Variants in GLRA2 observed in about 807,000 individuals in gnomAD.
GLRA2 encodes the protein glycine receptor alpha 2.
GLRA2 carries 11 observed loss-of-function variants against 31.6 expected under a neutral mutation model. That is an observed-to-expected ratio of 0.35 (90% CI 0.22 to 0.58). The LOEUF (loss-of-function observed/expected upper bound fraction) is 0.58. GLRA2 is among the 20% of genes least tolerant of loss of function. The pLI is 0.84. For missense variants in GLRA2, 212 were observed against 351.8 expected (o/e 0.60, Z 3.18); for synonymous variants, 132 against 134.0 (o/e 0.99, Z 0.10).
upstream of GLRA2, among the ~76,000 whole-genome samples, chrX:14,524,665 A>G (rs772427889): frequency 1.3e-3 from 146 of 111,341 alleles, no homozygotes; most frequent in African/African-American, 4.7e-3. Flanking sequence ...GGATATTGAT[A>G]TATTGGATAT....
At chrX:14,541,033 A>G (rs1209413157) in intron 2 of GLRA2, among the ~76,000 whole-genome samples, 2 of 111,276 alleles carry the variant, frequency 1.8e-5, no homozygotes, top group Admixed American at 9.5e-5. Flanking sequence ...AGCTTACGAA[A>G]ATAATTAATA....
chrX:14,628,116 TA>T (rs2090607884), intron 7 of GLRA2, among the ~76,000 whole-genome samples: 1 of 111,517 alleles, frequency 9.0e-6, no homozygotes, highest in Non-Finnish European at 1.9e-5. Context: ...TGGGGTATAC[TA>T]ATGTCCAGGC....
chrX:14,474,348 C>T, the GLRA2 span, among the ~76,000 whole-genome samples: 2 of 111,608 alleles, frequency 1.8e-5, no homozygotes, highest in African/African-American at 6.5e-5. Flanking sequence ...TTTACGCCTC[C>T]AGCTGCTTTG....
chrX:14,503,094 A>G, the GLRA2 span, among the ~76,000 whole-genome samples: 2 of 111,169 alleles, frequency 1.8e-5, no homozygotes, highest in Non-Finnish European at 3.8e-5. Context: ...GGGGGTTGCA[A>G]ATAACTTTTG....
chrX:14,489,334 C>T, the GLRA2 span, among the ~76,000 whole-genome samples: 7 of 111,289 alleles, frequency 6.3e-5, no homozygotes, highest in Admixed American at 9.6e-5. Context: ...TGATCTAAGT[C>T]ATGCAGAATT....
intron 7 of GLRA2, among the ~76,000 whole-genome samples, chrX:14,610,238 A>G (rs187302656): frequency 8.9e-6 from 1 of 112,126 alleles, no homozygotes; most frequent in East Asian, 2.8e-4. Context: ...AATTTGACAT[A>G]ATGAGAAATG....
At chrX:14,535,979 C>T (rs1169758964) in intron 2 of GLRA2, among the ~76,000 whole-genome samples, 1 of 111,943 alleles carries the variant, frequency 8.9e-6, no homozygotes, top group Non-Finnish European at 1.9e-5. Flanking sequence ...TAGTTTTCAT[C>T]CCAATGTGAA....
the GLRA2 span, among the ~76,000 whole-genome samples, chrX:14,493,728 T>TATATGTATAC: frequency 2.0e-5 from 2 of 98,713 alleles, no homozygotes; most frequent in Non-Finnish European, 4.0e-5. Flanking sequence ...TATATACGTG[T>TATATGTATAC]ATATGTATAC....
intron 4 of GLRA2, among the ~76,000 whole-genome samples, chrX:14,600,060 A>T (rs979428390): frequency 1.8e-5 from 2 of 111,204 alleles, no homozygotes; most frequent in African/African-American, 6.5e-5. Context: ...AGAAAAAAAA[A>T]CCCACTGAGT....
intron 8 of GLRA2, among the ~76,000 whole-genome samples, chrX:14,707,560 AC>A (rs375558006): frequency 1.6e-5 from 1 of 61,880 alleles, no homozygotes; most frequent in Non-Finnish European, 2.8e-5. Context: ...TTTTTAACCC[AC>A]CCCCCACCCT....
rs528545846 is a variant in GLRA2, at chrX:14,585,552, A to T, written c.494+4146A>T. 5.4e-5 allele frequency among the ~76,000 whole-genome samples: 6 copies of T among 111,512 alleles called. No homozygotes were observed. The South Asian group carries it at 2.3e-3, about 42-fold the overall frequency. On this transcript the variant is annotated intron_variant, in intron 4 of 8. Coordinates refer to ENST00000218075, the MANE Select transcript of GLRA2 (RefSeq NM_002063.4). ...CAGGTTTGACTCAAATTTAAGGCCA[A>T]GGGGGGTACAGTTGTGTCCATGTCT... is the stretch of plus-strand genomic sequence containing the variant.
At chrX:14,468,532 A>G in the GLRA2 span, among the ~76,000 whole-genome samples, 1 of 112,245 alleles carries the variant, frequency 8.9e-6, no homozygotes, top group African/African-American at 3.2e-5. Context: ...GTTCTATGGA[A>G]CTTATACTGG....
intron 8 of GLRA2, among the ~76,000 whole-genome samples, chrX:14,701,032 G>A (rs1451343660): frequency 1.8e-5 from 2 of 110,032 alleles, no homozygotes; most frequent in African/African-American, 3.3e-5. Flanking sequence ...GTGGGTAGGC[G>A]GACAGGATTT....
At chrX:14,685,500 T>C (rs1437778747) in intron 7 of GLRA2, among the ~76,000 whole-genome samples, 1 of 111,782 alleles carries the variant, frequency 8.9e-6, no homozygotes, top group Non-Finnish European at 1.9e-5. Context: ...CAGAGCCTGT[T>C]ATGGGTCTAT....
chrX:14,593,593 T>G (rs1482536698), intron 4 of GLRA2, among the ~76,000 whole-genome samples: 1 of 112,400 alleles, frequency 8.9e-6, no homozygotes, highest in Admixed American at 9.4e-5. Flanking sequence ...GTTCTGAGGG[T>G]CAGGAATACT....
At chrX:14,575,193 T>A (rs1157936347) in intron 3 of GLRA2, among the ~76,000 whole-genome samples, 5 of 98,063 alleles carry the variant, frequency 5.1e-5, no homozygotes, top group African/African-American at 2.1e-4. Context: ...CTATAAAATC[T>A]ACCAGTGCAT....
At chrX:14,507,686 A>ATTTTTTTTTTTTTTTTTT in the GLRA2 span, among the ~76,000 whole-genome samples, 37 of 56,016 alleles carry the variant, frequency 6.6e-4, no homozygotes, top group Non-Finnish European at 1.2e-3. Context: ...TACGAAAGAC[A>ATTTTTTTTTTTTTTTTTT]TTCTTTTTTT....
At chrX:14,681,906 A>ATATATATAT (rs1449879160) in intron 7 of GLRA2, among the ~76,000 whole-genome samples, 9 of 39,354 alleles carry the variant, frequency 2.3e-4, no homozygotes, top group Non-Finnish European at 2.5e-4. Flanking sequence ...AAAAAAAAAA[A>ATATATATAT]AAAAATATAT....
chrX:14,700,308 G>C (rs1371043258), intron 8 of GLRA2, among the ~76,000 whole-genome samples: 2 of 110,658 alleles, frequency 1.8e-5, no homozygotes, highest in African/African-American at 6.6e-5. Context: ...TTGAGAAAGA[G>C]CAGGAAGGGG....
Sources: gnomAD v4.1 joint callset for allele counts (sites outside exome capture counted in the v4.1 genomes callset) on GRCh38, gnomAD v4.1.1 for gene constraint, MANE v1.5 for transcripts, NCBI Gene and HGNC (gene_info 2026-07-23, HGNC 2026-07-21) for gene names.